Variants in IPO11 observed in about 807,000 individuals in gnomAD.
The protein encoded by IPO11 is importin-11.
IPO11 carries 66 observed loss-of-function variants against 143.2 expected under a neutral mutation model. The observed-to-expected ratio is 0.46, with a 90% CI of 0.38 to 0.57. IPO11 has a LOEUF of 0.57. IPO11 is among the 20% of genes least tolerant of loss of function. IPO11 has a pLI of 0.00. For synonymous variants in IPO11, 385 were observed against 377.8 expected (o/e 1.02, Z -0.22); for missense variants, 1,026 against 1,141.0 (o/e 0.90, Z 1.45).
chr5:62,423,236 T>C (rs1034974465), intron 1 of IPO11, among the ~76,000 whole-genome samples: 1 of 152,236 alleles, frequency 6.6e-6, no homozygotes, highest in Admixed American at 6.5e-5. Flanking sequence ...ATTGTTGTTC[T>C]TGGACCTCTG....
At chr5:62,575,739 T>C (rs1021204748) in intron 27 of IPO11, among the ~76,000 whole-genome samples, 3 of 152,236 alleles carry the variant, frequency 2.0e-5, no homozygotes, top group Admixed American at 6.5e-5. Flanking sequence ...TCACTGATGA[T>C]GTTAATGCTG....
chr5:62,537,621 A>T (rs973277979), intron 24 of IPO11, among the ~76,000 whole-genome samples: 2 of 152,144 alleles, frequency 1.3e-5, no homozygotes, highest in Non-Finnish European at 1.5e-5. Flanking sequence ...TTATCCAGTG[A>T]TGTGATATCT....
At chr5:62,608,685 A>G (rs1397471550) in intron 29 of IPO11, among the ~76,000 whole-genome samples, 1 of 152,100 alleles carries the variant, frequency 6.6e-6, no homozygotes, top group African/African-American at 2.4e-5. Flanking sequence ...TGTCCCCCAC[A>G]TAGATGCAAC....
At chr5:62,510,543 T>C (rs1214686390) in intron 19 of IPO11, among the ~76,000 whole-genome samples, 1 of 152,208 alleles carries the variant, frequency 6.6e-6, no homozygotes, top group Non-Finnish European at 1.5e-5. Context: ...GTGATTAGAC[T>C]CAGGAAGCTT....
At chr5:62,603,305 C>T (rs1002096199) in intron 29 of IPO11, among the ~76,000 whole-genome samples, 1 of 152,108 alleles carries the variant, frequency 6.6e-6, no homozygotes, top group Non-Finnish European at 1.5e-5. Flanking sequence ...TGATGATGGT[C>T]GTGATGGTGG....
In IPO11 at chr5:62,519,132, G is replaced by A. The variant is rs1742125360; in HGVS notation, c.1896+3631G>A. 2.0e-5 allele frequency among the ~76,000 whole-genome samples: 3 copies of A among 152,148 alleles called. No individual in the cohort carries two copies. The South Asian group carries it at 6.2e-4, about 32-fold the overall frequency. On this transcript the variant is annotated intron_variant, in intron 20 of 29. Transcript: ENST00000325324. ...ATAGTGTTGTTAAATAAAACAAGAAGTGTTATTTAGATGGTGGTTTAGCAA... is the reference window on the plus strand; with the variant it reads ...ATAGTGTTGTTAAATAAAACAAGAAATGTTATTTAGATGGTGGTTTAGCAA...
At chr5:62,474,966 A>G (rs1745903792) in intron 8 of IPO11, among the ~76,000 whole-genome samples, 1 of 152,168 alleles carries the variant, frequency 6.6e-6, no homozygotes, top group Non-Finnish European at 1.5e-5. Flanking sequence ...AATGGTGCAC[A>G]ATTGAAAACT....
intron 27 of IPO11, among the ~76,000 whole-genome samples, chr5:62,587,924 T>A (rs1454119933): frequency 6.6e-6 from 1 of 152,136 alleles, no homozygotes; most frequent in Non-Finnish European, 1.5e-5. Flanking sequence ...TTTCATGAGG[T>A]CTGGGAGGGA....
chr5:62,416,158 TTC>T (rs34966813), intron 1 of IPO11, among the ~76,000 whole-genome samples: 13,177 of 150,528 alleles, frequency 0.088, 618 homozygotes, highest in East Asian at 0.14. Flanking sequence ...TGCTGTATCT[TTC>T]TGTTTTCTTT....
At chr5:62,498,599 G>A (rs746008736) in intron 16 of IPO11, among the ~76,000 whole-genome samples, 3 of 152,128 alleles carry the variant, frequency 2.0e-5, no homozygotes, top group Non-Finnish European at 4.4e-5. Context: ...AAGTTTTTAG[G>A]ACGTCTTGGC....
At chr5:62,591,724 C>G (rs559522727) in intron 28 of IPO11, 52 bp downstream of exon 28, 4 of 1,172,284 alleles carry the variant, frequency 3.4e-6, no homozygotes, top group Admixed American at 4.4e-5. Context: ...TAATTAAATA[C>G]ATGCTGCATG....
At chr5:62,627,087 G>T in intron 29 of IPO11, 67 bp from the exon 30 acceptor site, 1 of 1,419,880 alleles carries the variant, frequency 7.0e-7, no homozygotes, top group Non-Finnish European at 9.6e-7. Context: ...AAGAACTTTT[G>T]TAAATTGCAG....
Position 62,476,703 on chromosome 5 carries a change from A to G in IPO11, c.778A>G (p.Asn260Asp), listed in dbSNP as rs35107530. ...AACAGGTAGAAGTATAGGTACAGAT[A>G]ATGTGTGTAGAGATAGACTGGAAAA... ...LECSRSIGTD[N>D]VCRDRLEKTI... The change falls in exon 9 of 30, where the codon AAT (asparagine) becomes GAT (aspartate). Residue 260 changes from asparagine (N) to aspartate (D), a missense_variant. Physicochemically the swap from Asn to Asp is conservative, Grantham distance 23 (BLOSUM62 1). This residue lies in a region of IPO11 where 429 missense variants were observed against 456.3 expected (regional missense o/e 0.94). Coordinates refer to ENST00000325324, the MANE Select transcript of IPO11 (RefSeq NM_016338.5). The G allele has an allele frequency of 7.3e-3, 11,069 of 1,519,188 alleles. 53 individuals carry two copies. The highest frequency in any genetic ancestry group is 8.5e-3 in the Non-Finnish European group (9,623 of 1,130,742). The allele number at this position is 1,519,188 out of a possible 1,614,324, so 94.1% of individuals were successfully genotyped here.
intron 29 of IPO11, among the ~76,000 whole-genome samples, chr5:62,614,085 A>ATGT (rs1746035067): frequency 6.6e-6 from 1 of 152,232 alleles, no homozygotes; most frequent in South Asian, 2.1e-4. Context: ...TGAACATCAT[A>ATGT]TTAATCATCT....
At chr5:62,619,815 C>T (rs1021963432) in intron 29 of IPO11, among the ~76,000 whole-genome samples, 11 of 151,588 alleles carry the variant, frequency 7.3e-5, no homozygotes, top group African/African-American at 2.7e-4. Flanking sequence ...GCCGAGATTG[C>T]GCCACTGCAC....
At chr5:62,455,669 T>A (rs1327178231) in intron 5 of IPO11, among the ~76,000 whole-genome samples, 1 of 152,208 alleles carries the variant, frequency 6.6e-6, no homozygotes, top group Non-Finnish European at 1.5e-5. Context: ...ATAAGTTCTT[T>A]TGAGGGGTGA....
At chr5:62,498,028 T>G (rs152201) in intron 16 of IPO11, among the ~76,000 whole-genome samples, 98,954 of 151,634 alleles carry the variant, frequency 0.65, 32,445 homozygotes, top group Admixed American at 0.73. Context: ...GTTTTTTTTT[T>G]TTGTTGTTGT....
Position 62,463,613 on chromosome 5 carries a change from G to T in IPO11, c.517-3518G>T, listed in dbSNP as rs1157344947. 5.3e-5 allele frequency among the ~76,000 whole-genome samples: 8 copies of T among 151,638 alleles called. No homozygotes were observed. The East Asian group carries it at 1.4e-3, about 26-fold the overall frequency. ...TTGAGCCCAGGAGATTGAGGCTGCA[G>T]TGAGCCGTGATTGCGCCACTGCACT... On this transcript the variant is annotated intron_variant, in intron 5 of 29. Transcript: ENST00000325324.
intron 15 of IPO11, 26 bp downstream of exon 15, chr5:62,490,246 A>G (rs755123883): frequency 1.0e-5 from 14 of 1,401,860 alleles, no homozygotes; most frequent in African/African-American, 1.5e-5. Flanking sequence ...TATATTTATT[A>G]TACACTTACT....
Sources: gnomAD v4.1 joint callset for allele counts (sites outside exome capture counted in the v4.1 genomes callset) on GRCh38, gnomAD v4.1.1 for gene constraint, gnomAD v4.1.1 regional missense constraint, MANE v1.5 for transcripts, NCBI Gene and HGNC (gene_info 2026-07-23, HGNC 2026-07-21) for gene names.